Variants in NELL2 observed in about 807,000 individuals in gnomAD.
NELL2 encodes the protein neural EGFL like 2, also known as protein kinase C-binding protein NELL2.
NELL2 carries 41 observed loss-of-function variants against 109.6 expected under a neutral mutation model. The observed-to-expected ratio is 0.37, with a 90% confidence interval of 0.29 to 0.49. NELL2 has a LOEUF of 0.49. Ranked by LOEUF, NELL2 falls within the 20% of genes least tolerant of loss-of-function variation. The pLI is 0.98. For missense variants in NELL2, 900 were observed against 1,008.3 expected, an observed-to-expected ratio of 0.89 and a Z score of 1.45; for synonymous variants, 355 against 344.7, an observed-to-expected ratio of 1.03 and a Z score of -0.33.
intron 16 of NELL2, among the ~76,000 whole-genome samples, chr12:44,528,482 C>T (rs113454420): frequency 9.8e-5 from 15 of 152,290 alleles, no homozygotes; most frequent in Middle Eastern, 3.4e-3. Flanking sequence ...ATATGTCATA[C>T]TAATATCTAC....
intron 13 of NELL2, among the ~76,000 whole-genome samples, chr12:44,615,865 G>T (rs1230737737): frequency 1.3e-5 from 2 of 152,084 alleles, no homozygotes; most frequent in African/African-American, 4.8e-5. Flanking sequence ...ATTTTCACAA[G>T]GTAGATATAA....
At chr12:44,510,821 A>T (rs1255967215) in intron 19 of NELL2, among the ~76,000 whole-genome samples, 2 of 152,186 alleles carry the variant, frequency 1.3e-5, no homozygotes, top group African/African-American at 4.8e-5. Context: ...CCCAGGCTGG[A>T]ACCATCTTTG....
At chr12:44,595,773 C>G (rs557497516) in intron 15 of NELL2, among the ~76,000 whole-genome samples, 1 of 151,962 alleles carries the variant, frequency 6.6e-6, no homozygotes, top group South Asian at 2.1e-4. Flanking sequence ...TTTTGATTAA[C>G]CTAAAGGTTC....
chr12:44,749,527 T>C (rs114801440), intron 9 of NELL2, among the ~76,000 whole-genome samples: 3,292 of 152,222 alleles, frequency 0.022, 112 homozygotes, highest in African/African-American at 0.074. Context: ...TGCTCACACA[T>C]GTTATTTCTT....
chr12:44,564,165 A>G (rs1943572776), intron 15 of NELL2, among the ~76,000 whole-genome samples: 1 of 152,210 alleles, frequency 6.6e-6, no homozygotes. Context: ...TAAACATTTT[A>G]CCTATAGTTT....
intron 12 of NELL2, among the ~76,000 whole-genome samples, chr12:44,701,109 A>ATTTTT (rs1426397240): frequency 6.6e-6 from 1 of 152,140 alleles, no homozygotes; most frequent in African/African-American, 2.4e-5. Flanking sequence ...AAAATGTTTA[A>ATTTTT]AAAGGTGTTC....
chr12:44,720,591 A>C (rs1938717112), intron 9 of NELL2, among the ~76,000 whole-genome samples: 1 of 152,206 alleles, frequency 6.6e-6, no homozygotes, highest in South Asian at 2.1e-4. Context: ...GCATGCTCAA[A>C]GAAAGTCTGC....
chr12:44,876,843 A>T, upstream of NELL2: 1 of 1,313,364 alleles, frequency 7.6e-7, no homozygotes, highest in Non-Finnish European at 9.7e-7. Flanking sequence ...TGGGCAAAGT[A>T]GGTAGAGACT....
At chr12:44,791,101 ATATATATG>A (rs1423850641) in intron 3 of NELL2, among the ~76,000 whole-genome samples, 2 of 24,986 alleles carry the variant, frequency 8.0e-5, no homozygotes. Flanking sequence ...ATATATGTAT[ATATATATG>A]TATATATATA....
intron 10 of NELL2, among the ~76,000 whole-genome samples, chr12:44,712,270 T>C (rs926608960): frequency 6.6e-6 from 1 of 152,074 alleles, no homozygotes; most frequent in East Asian, 1.9e-4. Context: ...AATGCTTTCA[T>C]AGAAGAAGTG....
chr12:44,659,496 A>T (rs1369077572), intron 13 of NELL2, among the ~76,000 whole-genome samples: 1 of 152,202 alleles, frequency 6.6e-6, no homozygotes, highest in East Asian at 1.9e-4. Context: ...AAACAAATTT[A>T]GAGTGAATAA....
intron 15 of NELL2, among the ~76,000 whole-genome samples, chr12:44,591,975 A>G (rs1390161856): frequency 6.6e-6 from 1 of 152,210 alleles, no homozygotes; most frequent in Non-Finnish European, 1.5e-5. Flanking sequence ...ATTGATACAA[A>G]CATGGGAGTT....
intron 9 of NELL2, among the ~76,000 whole-genome samples, chr12:44,764,437 CCTCTT>C (rs1941247067): frequency 1.3e-5 from 2 of 151,920 alleles, no homozygotes; most frequent in South Asian, 4.1e-4. Flanking sequence ...TTGATTTTTC[CCTCTT>C]CTCTTACTAA....
chr12:44,659,931 A>G (rs1207968176), intron 13 of NELL2, among the ~76,000 whole-genome samples: 1 of 152,200 alleles, frequency 6.6e-6, no homozygotes, highest in Non-Finnish European at 1.5e-5. Flanking sequence ...TATATGGAGC[A>G]TGCACCAGGA....
chr12:44,749,099 A>G (rs887345758), intron 9 of NELL2, among the ~76,000 whole-genome samples: 2 of 152,152 alleles, frequency 1.3e-5, no homozygotes, highest in African/African-American at 4.8e-5. Context: ...ACACTTCATT[A>G]ACATTGACAA....
At chr12:44,671,927 A>G (rs1172576677) in intron 12 of NELL2, among the ~76,000 whole-genome samples, 3 of 152,226 alleles carry the variant, frequency 2.0e-5, no homozygotes, top group South Asian at 4.1e-4. Flanking sequence ...GATATGAACA[A>G]TTTACCCATG....
At chr12:44,679,879 T>C (rs955456152) in intron 12 of NELL2, among the ~76,000 whole-genome samples, 5 of 152,114 alleles carry the variant, frequency 3.3e-5, no homozygotes, top group Non-Finnish European at 7.4e-5. Context: ...GCCACAGGGA[T>C]TCCATCTGTC....
intron 9 of NELL2, among the ~76,000 whole-genome samples, chr12:44,759,286 G>T (rs1941022474): frequency 6.6e-6 from 1 of 152,142 alleles, no homozygotes; most frequent in Admixed American, 6.5e-5. Flanking sequence ...TGACTTTACA[G>T]GTTCTCCATC....
chr12:44,714,088 G>C (rs879774777), intron 10 of NELL2, among the ~76,000 whole-genome samples: 4 of 151,850 alleles, frequency 2.6e-5, no homozygotes, highest in Non-Finnish European at 5.9e-5. Flanking sequence ...AACATATTTA[G>C]TTTTTCAATT....
Sources: allele counts gnomAD v4.1 joint callset (sites outside exome capture counted in the v4.1 genomes callset), GRCh38; gene constraint gnomAD v4.1.1; transcripts MANE v1.5; gene names NCBI Gene and HGNC (gene_info 2026-07-23, HGNC 2026-07-21).